TMEM117: variants seen among roughly 807,000 people sequenced by gnomAD.
TMEM117 encodes transmembrane protein 117.
In TMEM117, 27 loss-of-function variants were observed where a neutral mutation model predicts 52.4. That is an observed-to-expected ratio of 0.51 (90% CI 0.38 to 0.71). TMEM117 has a LOEUF of 0.71. TMEM117 is among the 30% of genes least tolerant of loss of function. The pLI is 0.00. For missense variants in TMEM117, 556 were observed against 630.5 expected (o/e 0.88, Z 1.26); for synonymous variants, 215 against 206.3 (o/e 1.04, Z -0.36).
chr12:44,236,465 T>G (rs916335137), intron 5 of TMEM117, among the ~76,000 whole-genome samples: 4 of 152,144 alleles, frequency 2.6e-5, no homozygotes, highest in Non-Finnish European at 5.9e-5. Flanking sequence ...TTGTCAAAGC[T>G]GCCATATCCT....
intron 3 of TMEM117, among the ~76,000 whole-genome samples, chr12:44,041,379 C>G (rs1195826597): frequency 1.3e-5 from 2 of 151,740 alleles, no homozygotes; most frequent in Non-Finnish European, 2.9e-5. Context: ...CAATTTTCAT[C>G]AAATTTCAAA....
chr12:44,381,234 G>A (rs1952015808), intron 7 of TMEM117, among the ~76,000 whole-genome samples: 1 of 152,054 alleles, frequency 6.6e-6, no homozygotes, highest in Non-Finnish European at 1.5e-5. Context: ...GGGAATAAAT[G>A]GTTAGTGATT....
chr12:44,288,506 A>G (rs2138614280), intron 5 of TMEM117, among the ~76,000 whole-genome samples: 1 of 152,270 alleles, frequency 6.6e-6, no homozygotes, highest in Middle Eastern at 3.4e-3. Context: ...GAGCTCTTAG[A>G]AAGAGTGTTT....
At chr12:44,058,413 C>A (rs760366381) in intron 3 of TMEM117, among the ~76,000 whole-genome samples, 11 of 152,132 alleles carry the variant, frequency 7.2e-5, no homozygotes, top group Non-Finnish European at 1.5e-4. Context: ...TTACCTGGAT[C>A]AATTTTTCTA....
At chr12:44,322,444 G>A (rs1015682538) in intron 6 of TMEM117, among the ~76,000 whole-genome samples, 1 of 151,974 alleles carries the variant, frequency 6.6e-6, no homozygotes, top group Admixed American at 6.6e-5. Context: ...CTACTAAAAG[G>A]TTTCCTGATT....
chr12:44,178,207 C>T (rs575209520), intron 4 of TMEM117, among the ~76,000 whole-genome samples: 1 of 152,236 alleles, frequency 6.6e-6, no homozygotes, highest in African/African-American at 2.4e-5. Context: ...ACATTTGTCT[C>T]TGATAATCAC....
At chr12:44,090,401 TATTTATTTA>T (rs1947644705) in intron 3 of TMEM117, among the ~76,000 whole-genome samples, 1 of 25,490 alleles carries the variant, frequency 3.9e-5, no homozygotes, top group Admixed American at 5.8e-4. Context: ...TCTTACTTTT[TATTTATTTA>T]TTTATTTATT....
At chr12:44,120,931 T>A (rs1433590151) in intron 3 of TMEM117, among the ~76,000 whole-genome samples, 1 of 152,220 alleles carries the variant, frequency 6.6e-6, no homozygotes, top group African/African-American at 2.4e-5. Flanking sequence ...TTCATGCTGC[T>A]GATAAAGACA....
chr12:43,810,722 C>T, the TMEM117 span, among the ~76,000 whole-genome samples: 1 of 152,188 alleles, frequency 6.6e-6, no homozygotes, highest in South Asian at 2.1e-4. Context: ...TCACTTCCAG[C>T]CTAAACTACT....
intron 3 of TMEM117, among the ~76,000 whole-genome samples, chr12:44,003,605 C>T (rs1030709280): frequency 5.3e-5 from 8 of 152,152 alleles, no homozygotes; most frequent in South Asian, 2.1e-4. Flanking sequence ...TGGAGCATTC[C>T]GCCTCTTCAC....
At chr12:44,175,904 A>G (rs1565860873) in intron 4 of TMEM117, among the ~76,000 whole-genome samples, 1 of 152,198 alleles carries the variant, frequency 6.6e-6, no homozygotes, top group Non-Finnish European at 1.5e-5. Flanking sequence ...GTTGATATGT[A>G]GGAAGTCAGT....
At chr12:43,992,186 C>G (rs1425098851) in intron 3 of TMEM117, among the ~76,000 whole-genome samples, 4 of 151,764 alleles carry the variant, frequency 2.6e-5, no homozygotes, top group African/African-American at 7.3e-5. Context: ...AAAAAAAAGG[C>G]AAGTCTGAGC....
intron 3 of TMEM117, among the ~76,000 whole-genome samples, chr12:44,031,451 G>A (rs1310003322): frequency 1.3e-5 from 2 of 152,140 alleles, no homozygotes; most frequent in African/African-American, 4.8e-5. Flanking sequence ...TTAAATGCAG[G>A]TTTCTGATAA....
intron 3 of TMEM117, among the ~76,000 whole-genome samples, chr12:44,104,949 T>C (rs1236174477): frequency 6.6e-6 from 1 of 152,008 alleles, no homozygotes; most frequent in Non-Finnish European, 1.5e-5. Context: ...TATGCCTAGA[T>C]GTAGACTTTT....
chr12:44,252,650 A>C (rs1950209638), intron 5 of TMEM117, among the ~76,000 whole-genome samples: 1 of 152,210 alleles, frequency 6.6e-6, no homozygotes, highest in African/African-American at 2.4e-5. Flanking sequence ...CTTATAGAAT[A>C]GTTGTCTAGG....
At chr12:44,125,267 G>A (rs759897693) in intron 3 of TMEM117, among the ~76,000 whole-genome samples, 1 of 152,116 alleles carries the variant, frequency 6.6e-6, no homozygotes, top group African/African-American at 2.4e-5. Context: ...ACCAAGCCCG[G>A]CTAATTCTTT....
intron 4 of TMEM117, among the ~76,000 whole-genome samples, chr12:44,146,248 G>A (rs1948640592): frequency 6.6e-6 from 1 of 152,064 alleles, no homozygotes; most frequent in African/African-American, 2.4e-5. Context: ...TCAAGGTCTG[G>A]CTGACCTTCA....
At chr12:44,391,509 A>T (rs949271340), downstream of TMEM117, among the ~76,000 whole-genome samples, 1 of 152,084 alleles carries the variant, frequency 6.6e-6, no homozygotes, top group Non-Finnish European at 1.5e-5. Flanking sequence ...ATGTCCAAAA[A>T]CACTGCACCA....
At chr12:43,831,370 A>G (rs1942980187), upstream of TMEM117, among the ~76,000 whole-genome samples, 1 of 152,180 alleles carries the variant, frequency 6.6e-6, no homozygotes, top group African/African-American at 2.4e-5. Flanking sequence ...TCAAAATGCC[A>G]TTTAGAGAGG....
Sources: gnomAD v4.1 joint callset for allele counts (sites outside exome capture counted in the v4.1 genomes callset) on GRCh38, gnomAD v4.1.1 for gene constraint, MANE v1.5 for transcripts, NCBI Gene and HGNC (gene_info 2026-07-23, HGNC 2026-07-21) for gene names.